The following GPD2 variants were observed in gnomAD, a reference collection of about 807,000 sequenced individuals.
The protein encoded by GPD2 is glycerol-3-phosphate dehydrogenase, mitochondrial.
In GPD2, 54 loss-of-function variants were observed where a neutral mutation model predicts 82.4. That is an observed-to-expected ratio of 0.66 (90% CI 0.53 to 0.82). GPD2 has a LOEUF of 0.82. GPD2 is among the 40% of genes least tolerant of loss of function. The probability of loss-of-function intolerance (pLI) is 0.00; values close to 1 mark genes in which losing one functional copy is unlikely to be tolerated. For synonymous variants in GPD2, 288 were observed against 306.1 expected, an observed-to-expected ratio of 0.94 and a Z score of 0.62; for missense variants, 748 against 896.2, an observed-to-expected ratio of 0.83 and a Z score of 2.11.
chr2:156,570,755 A>T (rs975523346), intron 12 of GPD2, among the ~76,000 whole-genome samples: 1 of 152,314 alleles, frequency 6.6e-6, no homozygotes, highest in Non-Finnish European at 1.5e-5. Context: ...AAGAGGTGAG[A>T]TCATAACTTT....
intron 3 of GPD2, among the ~76,000 whole-genome samples, chr2:156,503,609 GTATT>G (rs1193137169): frequency 6.6e-6 from 1 of 152,120 alleles, no homozygotes; most frequent in Non-Finnish European, 1.5e-5. Context: ...AGATGTATAA[GTATT>G]TACAGGGAAA....
At chr2:156,581,501 G>T (rs1026786957) in intron 16 of GPD2, among the ~76,000 whole-genome samples, 2 of 151,972 alleles carry the variant, frequency 1.3e-5, no homozygotes, top group African/African-American at 2.4e-5. Context: ...AAATTGTTCC[G>T]TCTTTAGATG....
At chr2:156,539,685 G>T (rs1215732685) in intron 6 of GPD2, among the ~76,000 whole-genome samples, 2 of 152,144 alleles carry the variant, frequency 1.3e-5, no homozygotes, top group Non-Finnish European at 2.9e-5. Flanking sequence ...CCCTGGGGCA[G>T]GTTGAGCCAT....
chr2:156,527,951 C>G (rs1335879233), intron 6 of GPD2, among the ~76,000 whole-genome samples: 1 of 152,114 alleles, frequency 6.6e-6, no homozygotes, highest in Non-Finnish European at 1.5e-5. Flanking sequence ...AGGCAGTTCT[C>G]TCTTTTAATA....
At chr2:156,426,964 A>G in the GPD2 span, among the ~76,000 whole-genome samples, 1 of 152,254 alleles carries the variant, frequency 6.6e-6, no homozygotes, top group Non-Finnish European at 1.5e-5. Context: ...TAGGATTAAT[A>G]CTTCTGAAAG....
intron 2 of GPD2, among the ~76,000 whole-genome samples, chr2:156,488,733 C>A (rs984156037): frequency 6.6e-6 from 1 of 151,740 alleles, no homozygotes; most frequent in Non-Finnish European, 1.5e-5. Context: ...AGATTGTGAA[C>A]TTGGCTTTCA....
At chr2:156,450,047 A>G (rs1682500813) in intron 1 of GPD2, among the ~76,000 whole-genome samples, 1 of 152,054 alleles carries the variant, frequency 6.6e-6, no homozygotes, top group Admixed American at 6.6e-5. Flanking sequence ...GGATAGATTC[A>G]GGATATATTT....
At chr2:156,418,906 T>G in the GPD2 span, among the ~76,000 whole-genome samples, 1 of 152,102 alleles carries the variant, frequency 6.6e-6, no homozygotes, top group South Asian at 2.1e-4. Flanking sequence ...CAATTATTCC[T>G]TTAGATGGAT....
chr2:156,508,999 A>C (rs1231881720), intron 3 of GPD2, among the ~76,000 whole-genome samples: 1 of 152,154 alleles, frequency 6.6e-6, no homozygotes, highest in Non-Finnish European at 1.5e-5. Context: ...ATTCACTTCT[A>C]ATATCAGGAT....
chr2:156,571,158 G>A lies in GPD2; in HGVS notation c.1633G>A (p.Ala545Thr). Residue 545 changes from alanine (A) to threonine (T), a missense_variant, in exon 13 of 17, where the codon GCC (alanine) becomes ACC (threonine). By Grantham distance (58) the Ala-to-Thr change is moderately conservative. Around this residue, in one of 3 missense-constraint regions of GPD2, gnomAD observed 692 missense variants for 809.7 expected, o/e 0.85. Transcript: ENST00000438166. Reference sequence around the variant, plus strand: ...GGTGAAATATGGGATTAAGGAGTATGCCTGCACTGCTGTGGATATGATTTC... The same window carrying A: ...GGTGAAATATGGGATTAAGGAGTATACCTGCACTGCTGTGGATATGATTTC... Reference protein sequence around the residue: ...AEVKYGIKEYACTAVDMISRR... With the variant: ...AEVKYGIKEYTCTAVDMISRR... The A allele has an allele frequency of 6.2e-7, 1 of 1,609,818 alleles. No homozygotes were observed.
intron 1 of GPD2, among the ~76,000 whole-genome samples, chr2:156,441,509 C>T (rs1366775060): frequency 2.6e-5 from 4 of 152,008 alleles, no homozygotes; most frequent in African/African-American, 7.2e-5. Context: ...CAGTGAGCTG[C>T]GTTAGTGCCA....
chr2:156,511,594 C>T (rs746873016), intron 4 of GPD2, among the ~76,000 whole-genome samples: 1 of 152,100 alleles, frequency 6.6e-6, no homozygotes, highest in Non-Finnish European at 1.5e-5. Flanking sequence ...TTCTCTTCAG[C>T]ATCATGATGG....
rs529300856 is a variant in GPD2, at chr2:156,531,515, T to G, written c.661+18019T>G. Among the ~76,000 whole-genome samples the G allele has an allele frequency of 2.6e-5, 4 of 152,036 alleles. No individual in the cohort carries two copies. The South Asian group carries it at 8.3e-4, about 32-fold the overall frequency. ...AAAATGGTTCTGACAAAAACCGGGGTCTCTCATTTGCAAAACCAGCTGTCT... is the reference window on the plus strand; with the variant it reads ...AAAATGGTTCTGACAAAAACCGGGGGCTCTCATTTGCAAAACCAGCTGTCT... On this transcript the variant is annotated intron_variant, in intron 6 of 16. Coordinates refer to ENST00000438166, the MANE Select transcript of GPD2 (RefSeq NM_000408.5).
intron 6 of GPD2, among the ~76,000 whole-genome samples, chr2:156,545,009 T>C (rs1243938532): frequency 2.0e-5 from 3 of 152,212 alleles, no homozygotes; most frequent in Non-Finnish European, 2.9e-5. Flanking sequence ...TGGGTTCTTA[T>C]TTTGAGTTTT....
intron 1 of GPD2, among the ~76,000 whole-genome samples, chr2:156,441,147 G>A (rs1682160353): frequency 6.6e-6 from 1 of 152,190 alleles, no homozygotes; most frequent in African/African-American, 2.4e-5. Context: ...TGGAGGTGCT[G>A]GAAGGAAGGC....
chr2:156,495,052 C>T (rs1684317178), intron 2 of GPD2, among the ~76,000 whole-genome samples: 2 of 152,164 alleles, frequency 1.3e-5, no homozygotes, highest in South Asian at 4.1e-4. Flanking sequence ...TTCATAAAAA[C>T]TGTAATAATG....
At chr2:156,518,054 C>A (rs1356085535) in intron 6 of GPD2, among the ~76,000 whole-genome samples, 1 of 152,156 alleles carries the variant, frequency 6.6e-6, no homozygotes, top group Non-Finnish European at 1.5e-5. Flanking sequence ...AATTACATTG[C>A]CTTTTCCTAA....
chr2:156,582,484 T>TGA (rs1553480966), intron 16 of GPD2, among the ~76,000 whole-genome samples: 11 of 136,580 alleles, frequency 8.1e-5, no homozygotes, highest in Admixed American at 2.2e-4. Flanking sequence ...TTGAAGTTGC[T>TGA]AAAAAAAAAA....
At chr2:156,511,267 G>A (rs1370019169) in intron 4 of GPD2, among the ~76,000 whole-genome samples, 2 of 152,212 alleles carry the variant, frequency 1.3e-5, no homozygotes, top group African/African-American at 4.8e-5. Context: ...TTGTAATGCA[G>A]GGGGAGTGCG....
Sources: gnomAD v4.1 joint callset for allele counts (sites outside exome capture counted in the v4.1 genomes callset) on GRCh38, gnomAD v4.1.1 for gene constraint, gnomAD v4.1.1 regional missense constraint, MANE v1.5 for transcripts, NCBI Gene and HGNC (gene_info 2026-07-23, HGNC 2026-07-21) for gene names.